IL17RD: variants seen among roughly 807,000 people sequenced by gnomAD.
IL17RD encodes the protein interleukin-17 receptor D.
IL17RD carries 52 observed loss-of-function variants against 80.5 expected under a neutral mutation model. The ratio of observed to expected loss-of-function variants is 0.65; its 90% CI spans 0.52 to 0.81. IL17RD has a LOEUF of 0.81. Among genes scored for constraint, IL17RD ranks in the 40% least tolerant of loss-of-function variants. IL17RD has a pLI of 0.00. For synonymous variants in IL17RD, 416 were observed against 391.8 expected (o/e 1.06, Z -0.73); for missense variants, 1,024 against 955.1 (o/e 1.07, Z -0.95).
chr3:57,128,062 T>G (rs991092733), intron 1 of IL17RD, among the ~76,000 whole-genome samples: 1 of 152,204 alleles, frequency 6.6e-6, no homozygotes, highest in Non-Finnish European at 1.5e-5. Context: ...GTTCAAGATA[T>G]TCTCTCCACA....
At chr3:57,123,839 T>G (rs1419610001) in intron 1 of IL17RD, among the ~76,000 whole-genome samples, 1 of 151,518 alleles carries the variant, frequency 6.6e-6, no homozygotes, top group African/African-American at 2.4e-5. Flanking sequence ...AAGTCAGGAG[T>G]TTGAGACCAG....
At chr3:57,128,551 C>A (rs1477142150) in intron 1 of IL17RD, among the ~76,000 whole-genome samples, 1 of 151,634 alleles carries the variant, frequency 6.6e-6, no homozygotes, top group South Asian at 2.1e-4. Context: ...CTTTGCCCCC[C>A]GAAATCCATT....
chr3:57,127,314 AAAAATAT>A lies in IL17RD; in HGVS notation c.127-7008_127-7002del, dbSNP rs1707500112. ...TATATAAATATATATAAAAATATAT[AAAAATAT>A]ATATAAATATATATAAAAATATATA... On this transcript the variant is annotated intron_variant, in intron 1 of 12. Coordinates refer to ENST00000296318, the MANE Select transcript of IL17RD (RefSeq NM_017563.5). 2.0e-5 allele frequency among the ~76,000 whole-genome samples: 2 copies of A among 100,416 alleles called. 1 individual carries two copies. Among genetic ancestry groups the A allele is most frequent in the African/African-American group, 1.2e-4 (2 of 16,934 alleles). The allele number at this position is 100,416 out of a possible 152,430, so 65.9% of individuals were successfully genotyped here.
Position 57,094,486 on chromosome 3 carries a change from T to G in IL17RD, c.*1907A>C, listed in dbSNP as rs936311003. The G allele has an allele frequency of 1.3e-5, 2 of 152,140 alleles. No homozygotes were observed. Among genetic ancestry groups the G allele is most frequent in the Non-Finnish European group, 2.9e-5 (2 of 68,038 alleles). The allele number at this position is 152,140 out of a possible 1,614,324, so 9.4% of individuals were successfully genotyped here. On this transcript the variant is annotated 3_prime_UTR_variant, in exon 13 of 13. Transcript: ENST00000296318. ...ACACCCTTGGAGCTCAGTTAATGCT[T>G]CTCCTCCCAGTCCTCCATTCTCTCC...
At position 57,098,546 on chromosome 3, in the gene IL17RD, G is replaced by A; in HGVS notation, c.1165-8C>T. ...CCACAGGTCCAGAGCCACCTGGAAAGAGAACAAGGCACCTCACCCATACAG... is the reference window on the plus strand; with the variant it reads ...CCACAGGTCCAGAGCCACCTGGAAAAAGAACAAGGCACCTCACCCATACAG... On this transcript the variant is annotated splice_polypyrimidine_tract_variant and splice_region_variant and intron_variant, in intron 11 of 12. Coordinates refer to ENST00000296318, the MANE Select transcript of IL17RD (RefSeq NM_017563.5). The A allele has an allele frequency of 6.4e-7, 1 of 1,570,080 alleles. No individual in the cohort carries two copies. The highest frequency in any genetic ancestry group is 8.7e-7 in the Non-Finnish European group (1 of 1,154,410).
chr3:57,108,534 T>TTTTTTTTTG (rs1707017703), intron 5 of IL17RD, among the ~76,000 whole-genome samples: 2 of 142,280 alleles, frequency 1.4e-5, no homozygotes, highest in African/African-American at 2.6e-5. Flanking sequence ...TTTTTTTTTT[T>TTTTTTTTTG]AGATGGAGGT....
intron 1 of IL17RD, among the ~76,000 whole-genome samples, chr3:57,155,896 G>C (rs17057819): frequency 1.3e-5 from 2 of 152,276 alleles, no homozygotes; most frequent in East Asian, 3.9e-4. Context: ...TTGCCCAGAG[G>C]AACTTTTTAT....
chr3:57,128,338 A>G lies in IL17RD; in HGVS notation c.127-8025T>C, dbSNP rs149404776. 2.0e-5 allele frequency among the ~76,000 whole-genome samples: 3 copies of G among 152,358 alleles called. No individual in the cohort carries two copies. The East Asian group carries it at 5.8e-4, about 29-fold the overall frequency. On this transcript the variant is annotated intron_variant, in intron 1 of 12. Coordinates refer to ENST00000296318, the MANE Select transcript of IL17RD (RefSeq NM_017563.5). ...CGCCTGTGCACCAGACCAAAGCCGT[A>G]ATCGTGATTCATCTCTGACATGTTG...
Position 57,097,813 on chromosome 3 carries a change from G to T in IL17RD, c.1890C>A (p.Asp630Glu), listed in dbSNP as rs747120021. ...HESQHGGLDQ[D>E]GEARPALDGS... The stretch of plus-strand genomic sequence containing the variant: ...CGTCAAGGGCAGGCCGGGCCTCCCC[G>T]TCTTGGTCCAGGCCCCCATGCTGAC... The change falls in exon 12 of 13, where the codon GAC becomes GAA. Residue 630 changes from aspartate to glutamate, a missense_variant. By Grantham distance (45) the Asp-to-Glu change is conservative. Coordinates refer to ENST00000296318, the MANE Select transcript of IL17RD (RefSeq NM_017563.5). The T allele has an allele frequency of 6.2e-7, 1 of 1,608,384 alleles. No individual in the cohort carries two copies. Among genetic ancestry groups the T allele is most frequent in the South Asian group, 1.1e-5 (1 of 90,028 alleles).
chr3:57,124,656 C>T (rs1041215974), intron 1 of IL17RD, among the ~76,000 whole-genome samples: 1 of 152,132 alleles, frequency 6.6e-6, no homozygotes, highest in Non-Finnish European at 1.5e-5. Flanking sequence ...ACATTAAGAT[C>T]CGTTTTAGAA....
At chr3:57,110,346 C>T (rs1056609339) in intron 3 of IL17RD, 35 bp from the exon 4 acceptor site, 3 of 1,555,014 alleles carry the variant, frequency 1.9e-6, no homozygotes, top group African/African-American at 1.4e-5. Flanking sequence ...TAATAGTGAA[C>T]CTAATTACTT....
rs552325114 is a variant in IL17RD, at chr3:57,158,560, C to A, written c.126+6601G>T. On this transcript the variant is annotated intron_variant, in intron 1 of 12. Transcript: ENST00000296318. ...ACAGCTGGTACCTATTAAGTCCCCC[C>A]CTTTAAATGTTGTAGCCTTAATTAG... is the stretch of plus-strand genomic sequence containing the variant. 4.6e-5 allele frequency among the ~76,000 whole-genome samples: 7 copies of A among 152,290 alleles called. No individual in the cohort carries two copies. The South Asian group carries it at 1.5e-3, about 32-fold the overall frequency.
chr3:57,133,434 C>A (rs1361387031), intron 1 of IL17RD, among the ~76,000 whole-genome samples: 1 of 152,170 alleles, frequency 6.6e-6, no homozygotes, highest in Non-Finnish European at 1.5e-5. Context: ...CACATACACA[C>A]AATGACATAC....
chr3:57,110,066 T>C lies in IL17RD; in HGVS notation c.429+127A>G, dbSNP rs1029903069. 174 of 1,042,208 alleles carry C rather than the reference T, an allele frequency of 1.7e-4. 1 individual carries two copies. Among genetic ancestry groups the C allele is most frequent in the Admixed American group, 1.8e-4 (8 of 44,974 alleles). 64.6% of individuals were successfully genotyped at this position (1,042,208 alleles called of 1,614,324 possible). Reference sequence around the variant, plus strand: ...GGCTCAAGGTGCTGCTGTACCATTCTTGCCCACCTTGGCGGGTGGGGTGGA... The same window carrying C: ...GGCTCAAGGTGCTGCTGTACCATTCCTGCCCACCTTGGCGGGTGGGGTGGA... On this transcript the variant is annotated intron_variant, in intron 4 of 12. Transcript: ENST00000296318.
rs1281974748 is a variant in IL17RD at position 57,090,779 on chromosome 3, G to T, written c.*5614C>A. The T allele has an allele frequency of 1.3e-5, 2 of 152,222 alleles. No individual in the cohort carries two copies. Among genetic ancestry groups the T allele is most frequent in the Non-Finnish European group, 2.9e-5 (2 of 68,034 alleles). The allele number at this position is 152,222 out of a possible 1,614,324, so 9.4% of individuals were successfully genotyped here. On this transcript the variant is annotated 3_prime_UTR_variant, in exon 13 of 13. Coordinates refer to ENST00000296318, the MANE Select transcript of IL17RD (RefSeq NM_017563.5). ...GGCAATTTTTTGTCTAACAATTGGA[G>T]CAGCTAATTTTGTCTACATCATGTA...
rs1333950173 is a variant in IL17RD, at chr3:57,142,468, A to T, written c.127-22155T>A. The T allele has an allele frequency of 8.6e-6, 11 of 1,281,976 alleles. No individual in the cohort carries two copies. The Admixed American group carries it at 2.5e-4, about 29-fold the overall frequency. The allele number at this position is 1,281,976 out of a possible 1,614,324, so 79.4% of individuals were successfully genotyped here. Reference sequence around the variant, plus strand: ...ACCCACTAACCTGCTCTCCACTGACAAACAACGCAGGAACACCTGAGGCAG... The same window carrying T: ...ACCCACTAACCTGCTCTCCACTGACTAACAACGCAGGAACACCTGAGGCAG... On this transcript the variant is annotated intron_variant, in intron 1 of 12. Coordinates refer to ENST00000296318, the MANE Select transcript of IL17RD (RefSeq NM_017563.5).
intron 1 of IL17RD, among the ~76,000 whole-genome samples, chr3:57,131,412 A>G (rs539655938): frequency 6.6e-6 from 1 of 152,258 alleles, no homozygotes; most frequent in South Asian, 2.1e-4. Context: ...TATTCAGCCA[A>G]CAGGAGTCCC....
chr3:57,111,595 C>T (rs927543012), intron 3 of IL17RD, among the ~76,000 whole-genome samples: 4 of 152,130 alleles, frequency 2.6e-5, no homozygotes, highest in Admixed American at 6.6e-5. Context: ...ATTTAATTTA[C>T]GCAACATTCC....
chr3:57,169,005 G>C (rs1210402208), upstream of IL17RD, among the ~76,000 whole-genome samples: 2 of 152,334 alleles, frequency 1.3e-5, no homozygotes, highest in South Asian at 4.1e-4. Flanking sequence ...GGCGTGAGCC[G>C]CCGCTCCCAG....
Sources: gnomAD v4.1 joint callset for allele counts (sites outside exome capture counted in the v4.1 genomes callset) on GRCh38, gnomAD v4.1.1 for gene constraint, MANE v1.5 for transcripts, NCBI Gene and HGNC (gene_info 2026-07-23, HGNC 2026-07-21) for gene names.